The following MATCAP2 variants were observed in gnomAD, a reference collection of about 807,000 sequenced individuals.
MATCAP2 encodes microtubule associated tyrosine carboxypeptidase 2, also known as putative tyrosine carboxypeptidase MATCAP2.
At chr7:36,340,345 C>T in the MATCAP2 span, among the ~76,000 whole-genome samples, 1 of 152,132 alleles carries the variant, frequency 6.6e-6, no homozygotes, top group African/African-American at 2.4e-5. Context: ...TCACAGATCT[C>T]AGAATGAATG....
At chr7:36,367,302 GC>G in the MATCAP2 span, 11 of 1,019,120 alleles carry the variant, frequency 1.1e-5, no homozygotes, top group Non-Finnish European at 1.3e-5. Flanking sequence ...GGGCGCTCGT[GC>G]GACGAAGGCC....
At chr7:36,371,147 C>A in the MATCAP2 span, among the ~76,000 whole-genome samples, 2 of 151,890 alleles carry the variant, frequency 1.3e-5, no homozygotes, top group Admixed American at 1.3e-4. Context: ...ACTCTGTTGC[C>A]CAGGTTGGAG....
chr7:36,379,813 T>TACACACACAC, the MATCAP2 span, among the ~76,000 whole-genome samples: 1 of 124,248 alleles, frequency 8.0e-6, no homozygotes, highest in African/African-American at 3.1e-5. Context: ...CAATGGTAAG[T>TACACACACAC]ACACACACAC....
chr7:36,369,739 CA>C, the MATCAP2 span, among the ~76,000 whole-genome samples: 1 of 152,024 alleles, frequency 6.6e-6, no homozygotes. Context: ...TCCTGACTAG[CA>C]GGGAAGATTT....
At chr7:36,389,743 C>T in the MATCAP2 span, 1 of 397,806 alleles carries the variant, frequency 2.5e-6, no homozygotes, top group East Asian at 4.4e-5. Context: ...CTGGGAACCA[C>T]CCGGCCCGGC....
the MATCAP2 span, among the ~76,000 whole-genome samples, chr7:36,381,160 A>C: frequency 1.3e-5 from 2 of 152,192 alleles, no homozygotes; most frequent in African/African-American, 4.8e-5. Flanking sequence ...GGAAGGGAGA[A>C]GGGAGGGGAC....
chr7:36,375,066 G>C, the MATCAP2 span, among the ~76,000 whole-genome samples: 120 of 152,284 alleles, frequency 7.9e-4, no homozygotes, highest in African/African-American at 2.8e-3. Flanking sequence ...GTAATGGGAT[G>C]GCTGGATCAA....
At chr7:36,335,277 T>C in the MATCAP2 span, 2 of 1,110,202 alleles carry the variant, frequency 1.8e-6, no homozygotes, top group South Asian at 2.7e-5. Flanking sequence ...TTAACACTGT[T>C]TTTTGTTTAT....
the MATCAP2 span, chr7:36,357,565 T>C: frequency 2.2e-5 from 35 of 1,612,662 alleles, 1 homozygote; most frequent in African/African-American, 3.9e-4. Context: ...TCTTAGCAAG[T>C]TCTTGCTCAG....
At chr7:36,385,658 C>A in the MATCAP2 span, among the ~76,000 whole-genome samples, 1 of 151,936 alleles carries the variant, frequency 6.6e-6, no homozygotes, top group East Asian at 1.9e-4. Flanking sequence ...TGGTGGCATG[C>A]ACCTGTTGTC....
chr7:36,359,842 A>G, the MATCAP2 span, among the ~76,000 whole-genome samples: 5 of 152,322 alleles, frequency 3.3e-5, no homozygotes, highest in South Asian at 1.0e-3. Context: ...TGTAGCCCAA[A>G]TGCCCAGGAA....
chr7:36,354,401 A>G, the MATCAP2 span, among the ~76,000 whole-genome samples: 2 of 152,236 alleles, frequency 1.3e-5, no homozygotes, highest in African/African-American at 4.8e-5. Flanking sequence ...TGTGCACTTA[A>G]GAGGACCACA....
At chr7:36,357,665 G>C in the MATCAP2 span, 1 of 1,079,586 alleles carries the variant, frequency 9.3e-7, no homozygotes, top group Non-Finnish European at 1.3e-6. Context: ...ATTAGGAAAG[G>C]TATTCTGAAG....
chr7:36,336,121 C>T, the MATCAP2 span: 199 of 1,449,266 alleles, frequency 1.4e-4, no homozygotes, highest in Non-Finnish European at 1.7e-4. Context: ...CTGTCAATGA[C>T]AGTAATTCCT....
chr7:36,353,673 G>A, the MATCAP2 span, among the ~76,000 whole-genome samples: 1 of 151,938 alleles, frequency 6.6e-6, no homozygotes, highest in South Asian at 2.1e-4. Flanking sequence ...TAGAGACGGG[G>A]TTTCACCATG....
At chr7:36,333,157 C>T in the MATCAP2 span, among the ~76,000 whole-genome samples, 1 of 152,160 alleles carries the variant, frequency 6.6e-6, no homozygotes, top group African/African-American at 2.4e-5. Context: ...TCGAGCTTTG[C>T]TAAGGGACAG....
chr7:36,383,683 G>A, the MATCAP2 span, among the ~76,000 whole-genome samples: 1 of 152,162 alleles, frequency 6.6e-6, no homozygotes, highest in Non-Finnish European at 1.5e-5. Context: ...AGTTAGGGGA[G>A]GGATAGCATT....
At chr7:36,386,237 G>A in the MATCAP2 span, among the ~76,000 whole-genome samples, 1 of 151,944 alleles carries the variant, frequency 6.6e-6, no homozygotes, top group Non-Finnish European at 1.5e-5. Context: ...TTTAATAACT[G>A]CTGCTAAGAC....
At chr7:36,390,193 C>G in the MATCAP2 span, 1 of 1,322,344 alleles carries the variant, frequency 7.6e-7, no homozygotes, top group Non-Finnish European at 1.0e-6. Flanking sequence ...GTCGCCGCGG[C>G]TGCGGCCTGC....
Sources: gnomAD v4.1 joint callset for allele counts (sites outside exome capture counted in the v4.1 genomes callset) on GRCh38, gnomAD v4.1.1 for gene constraint, MANE v1.5 for transcripts, NCBI Gene and HGNC (gene_info 2026-07-23, HGNC 2026-07-21) for gene names.